SYT1: variants seen among roughly 807,000 people sequenced by gnomAD.
SYT1 encodes the protein synaptotagmin 1.
Under a neutral mutation model 44.8 loss-of-function variants are expected in SYT1, and 8 were observed. The ratio of observed to expected loss-of-function variants is 0.18; its 90% CI spans 0.10 to 0.32. SYT1 has a LOEUF of 0.32. Ranked by LOEUF, SYT1 falls within the 10% of genes least tolerant of loss-of-function variation. The pLI is 1.00. For synonymous variants in SYT1, 154 were observed against 188.8 expected (o/e 0.82, Z 1.51); for missense variants, 286 against 509.3 (o/e 0.56, Z 4.22).
At chr12:79,340,183 G>GTAGT (rs1306160305) in intron 8 of SYT1, among the ~76,000 whole-genome samples, 2 of 152,170 alleles carry the variant, frequency 1.3e-5, no homozygotes, top group African/African-American at 4.8e-5. Flanking sequence ...GAACTTTAAA[G>GTAGT]TAGTTTTTTC....
At position 79,423,373 on chromosome 12, in the gene SYT1, G is replaced by T. The variant is rs546099253; in HGVS notation, c.929-20700G>T. Among the ~76,000 whole-genome samples, 68 of 152,198 alleles carry T rather than the reference G, an allele frequency of 4.5e-4. 1 individual carries two copies. The highest frequency in any genetic ancestry group is 3.4e-3 in the Admixed American group (52 of 15,286). ...GAGAAAGAGAGAGACTCTATAATCTGCTTTCATTCTATCACCTGAGCCTGG... is the reference window on the plus strand; with the variant it reads ...GAGAAAGAGAGAGACTCTATAATCTTCTTTCATTCTATCACCTGAGCCTGG... On this transcript the variant is annotated intron_variant, in intron 9 of 10. Transcript: ENST00000261205.
At chr12:78,962,334 T>TC (rs1565738489) in intron 1 of SYT1, among the ~76,000 whole-genome samples, 1 of 112,718 alleles carries the variant, frequency 8.9e-6, no homozygotes, top group Non-Finnish European at 1.9e-5. Context: ...CATTCTTTCT[T>TC]TTTTTTTTTT....
intron 6 of SYT1, among the ~76,000 whole-genome samples, chr12:79,293,375 TAAAATAA>T (rs1879706455): frequency 3.6e-5 from 5 of 140,512 alleles, no homozygotes; most frequent in Admixed American, 3.5e-4. Context: ...TAAAATAAAA[TAAAATAA>T]AATAAAATAA....
At chr12:79,163,830 T>C (rs1319118956) in intron 3 of SYT1, among the ~76,000 whole-genome samples, 1 of 152,118 alleles carries the variant, frequency 6.6e-6, no homozygotes, top group East Asian at 1.9e-4. Flanking sequence ...CTACTAAGTC[T>C]ATACTTTTTA....
chr12:78,973,925 AAAAAAAAAAAAAAATATATATATATATAT>A (rs1194232321), intron 1 of SYT1, among the ~76,000 whole-genome samples: 35 of 31,206 alleles, frequency 1.1e-3, no homozygotes, highest in African/African-American at 3.9e-3. Context: ...CCAAAAAAAA[AAAAAAAAAAAAAAATATATATATATATAT>A]ATATATATAT....
At chr12:79,320,755 T>C (rs1881319883) in intron 8 of SYT1, among the ~76,000 whole-genome samples, 1 of 150,854 alleles carries the variant, frequency 6.6e-6, no homozygotes, top group South Asian at 2.1e-4. Flanking sequence ...CCCAAGTAGC[T>C]TGGACTATAG....
At chr12:79,351,682 A>G (rs1050355046) in intron 8 of SYT1, among the ~76,000 whole-genome samples, 1 of 152,152 alleles carries the variant, frequency 6.6e-6, no homozygotes, top group Admixed American at 6.5e-5. Context: ...CATTATTTTC[A>G]GATACTCTGA....
chr12:79,032,197 A>C (rs1023878025), intron 2 of SYT1, among the ~76,000 whole-genome samples: 2 of 151,114 alleles, frequency 1.3e-5, no homozygotes, highest in Non-Finnish European at 3.0e-5. Context: ...AGTTTAACAA[A>C]TATTTATTTA....
intron 1 of SYT1, among the ~76,000 whole-genome samples, chr12:78,878,405 A>C (rs1336850123): frequency 6.6e-6 from 1 of 151,818 alleles, no homozygotes; most frequent in South Asian, 2.1e-4. Context: ...CAGTGCTAAC[A>C]TGTGAAGGTC....
At chr12:79,362,660 G>A (rs926301472) in intron 9 of SYT1, among the ~76,000 whole-genome samples, 1 of 151,336 alleles carries the variant, frequency 6.6e-6, no homozygotes. Context: ...GGGACTTTGT[G>A]GTCTGAAAAG....
chr12:79,353,428 T>C, intron 8 of SYT1, 74 bp from the exon 9 acceptor site: 1 of 1,151,778 alleles, frequency 8.7e-7, no homozygotes, highest in Non-Finnish European at 1.3e-6. Flanking sequence ...CTTGAAGAAT[T>C]TACAATATAT....
At chr12:79,414,263 G>A (rs568112959) in intron 9 of SYT1, among the ~76,000 whole-genome samples, 29 of 152,320 alleles carry the variant, frequency 1.9e-4, no homozygotes, top group Non-Finnish European at 3.7e-4. Context: ...CTATAAGAAT[G>A]CATTGTGCCT....
chr12:79,325,117 C>T (rs958172184), intron 8 of SYT1, among the ~76,000 whole-genome samples: 2 of 152,104 alleles, frequency 1.3e-5, no homozygotes, highest in Non-Finnish European at 2.9e-5. Context: ...TGTTAATATC[C>T]GATTCCTATT....
At chr12:79,372,231 C>T (rs1294321073) in intron 9 of SYT1, among the ~76,000 whole-genome samples, 10 of 151,814 alleles carry the variant, frequency 6.6e-5, no homozygotes, top group Non-Finnish European at 1.3e-4. Context: ...ATTGTAGGCC[C>T]CCATGAAGAA....
intron 1 of SYT1, among the ~76,000 whole-genome samples, chr12:78,895,117 CGTTGAG>C (rs1317946653): frequency 6.6e-6 from 1 of 151,362 alleles, no homozygotes; most frequent in Admixed American, 6.6e-5. Context: ...ATGTATTCTC[CGTTGAG>C]GTTTTCCATA....
chr12:79,369,441 A>T (rs1209649634), intron 9 of SYT1, among the ~76,000 whole-genome samples: 3 of 152,218 alleles, frequency 2.0e-5, no homozygotes, highest in African/African-American at 7.2e-5. Context: ...GCCACACTCC[A>T]GACTGGGTGA....
Position 79,397,063 on chromosome 12 carries a change from C to T in SYT1, c.928+43444C>T, listed in dbSNP as rs73354788. 2.9e-3 allele frequency among the ~76,000 whole-genome samples: 440 copies of T among 152,142 alleles called. 1 individual carries two copies. The highest frequency in any genetic ancestry group is 0.01 in the African/African-American group (425 of 41,502). Reference sequence around the variant, plus strand: ...GATGGGAAGAAACTTTATATATGTTCGAGGAATATCCAGGAAGCTGGAATG... The same window carrying T: ...GATGGGAAGAAACTTTATATATGTTTGAGGAATATCCAGGAAGCTGGAATG... On this transcript the variant is annotated intron_variant, in intron 9 of 10. Transcript: ENST00000261205.
At chr12:79,408,584 T>A (rs979495464) in intron 9 of SYT1, among the ~76,000 whole-genome samples, 2 of 152,090 alleles carry the variant, frequency 1.3e-5, no homozygotes, top group African/African-American at 4.8e-5. Flanking sequence ...TTCAGTAAGA[T>A]AACAGCCAGG....
chr12:79,052,764 C>G (rs935016969), intron 3 of SYT1, among the ~76,000 whole-genome samples: 2 of 152,152 alleles, frequency 1.3e-5, no homozygotes, highest in African/African-American at 4.8e-5. Context: ...AAATGCTCAT[C>G]ATCACTGGCC....
Sources: allele counts gnomAD v4.1 joint callset (sites outside exome capture counted in the v4.1 genomes callset), GRCh38; gene constraint gnomAD v4.1.1; transcripts MANE v1.5; gene names NCBI Gene and HGNC (gene_info 2026-07-23, HGNC 2026-07-21).